Variants in MRPS21 observed in about 807,000 individuals in gnomAD.
The protein encoded by MRPS21 is mitochondrial ribosomal protein S21, also known as small ribosomal subunit protein bS21m.
A neutral mutation model predicts 9.9 loss-of-function variants in MRPS21; 8 were observed. That is an observed-to-expected ratio of 0.81 (90% CI 0.47 to 1.45). The LOEUF (loss-of-function observed/expected upper bound fraction) is 1.45. Among genes scored for constraint, MRPS21 ranks in the 40% most tolerant of loss-of-function variants. The pLI is 0.00. For synonymous variants in MRPS21, 40 were observed against 40.3 expected, an observed-to-expected ratio of 0.99 and a Z score of 0.03; for missense variants, 101 against 118.9, an observed-to-expected ratio of 0.85 and a Z score of 0.70.
chr1:150,300,042 A>T (rs1553857369), intron 2 of MRPS21, among the ~76,000 whole-genome samples: 1 of 152,012 alleles, frequency 6.6e-6, no homozygotes. Flanking sequence ...AAATTATTAT[A>T]ATAGACTTGT....
At chr1:150,297,302 A>AC (rs1560062327) in intron 2 of MRPS21, among the ~76,000 whole-genome samples, 1 of 352 alleles carries the variant, frequency 2.8e-3, no homozygotes, top group Non-Finnish European at 7.8e-3. Context: ...AAAAAAAAAA[A>AC]GAAAAAATGC....
intron 2 of MRPS21, among the ~76,000 whole-genome samples, chr1:150,305,609 T>G (rs1012873001): frequency 6.6e-6 from 1 of 152,074 alleles, no homozygotes; most frequent in African/African-American, 2.4e-5. Flanking sequence ...TTGTTTTTGT[T>G]TTTTGAGATG....
At chr1:150,297,462 A>G (rs1162636773) in intron 2 of MRPS21, among the ~76,000 whole-genome samples, 2 of 152,076 alleles carry the variant, frequency 1.3e-5, no homozygotes, top group Non-Finnish European at 2.9e-5. Flanking sequence ...ACCTGAGGTC[A>G]GGAGTTCAAT....
intron 2 of MRPS21, among the ~76,000 whole-genome samples, chr1:150,296,368 G>A (rs1653916265): frequency 6.6e-6 from 1 of 152,180 alleles, no homozygotes; most frequent in South Asian, 2.1e-4. Flanking sequence ...TTTCCCCAAT[G>A]TGAAGTAACA....
At chr1:150,304,308 CTA>C in intron 2 of MRPS21, 1 of 173,514 alleles carries the variant, frequency 5.8e-6, no homozygotes, top group Non-Finnish European at 1.2e-5. Context: ...GAGGCCCTGC[CTA>C]CAAAAAAAAA....
chr1:150,298,036 C>T (rs1653980835), intron 2 of MRPS21, among the ~76,000 whole-genome samples: 1 of 152,008 alleles, frequency 6.6e-6, no homozygotes, highest in Non-Finnish European at 1.5e-5. Context: ...CATGTTCAAG[C>T]GTTTCTCCTG....
At chr1:150,307,476 G>C (rs587691058) in intron 2 of MRPS21, among the ~76,000 whole-genome samples, 3 of 151,184 alleles carry the variant, frequency 2.0e-5, no homozygotes, top group South Asian at 4.2e-4. Context: ...TCCCACCTCA[G>C]CCTCCTGAGT....
At chr1:150,306,177 T>C (rs1408999262) in intron 2 of MRPS21, among the ~76,000 whole-genome samples, 4 of 152,224 alleles carry the variant, frequency 2.6e-5, no homozygotes, top group Non-Finnish European at 4.4e-5. Context: ...AGAGTGGAAA[T>C]AGGGCAACCT....
chr1:150,307,936 C>T (rs1354066790), intron 2 of MRPS21, 112 bp from the exon 3 acceptor site: 6 of 1,060,370 alleles, frequency 5.7e-6, no homozygotes, highest in Middle Eastern at 2.7e-4. Flanking sequence ...CACCATTTCC[C>T]ACTGTATTTT....
At position 150,297,101 on chromosome 1, in the gene MRPS21, C is replaced by T. The variant is rs757369098; in HGVS notation, c.83+2652C>T. 1.5e-3 allele frequency among the ~76,000 whole-genome samples: 223 copies of T among 150,988 alleles called. 1 individual carries two copies. Among genetic ancestry groups the T allele is most frequent in the Non-Finnish European group, 2.6e-3 (178 of 67,736 alleles). On this transcript the variant is annotated intron_variant, in intron 2 of 2. Transcript: ENST00000614145. Reference sequence around the variant, plus strand: ...GGTCAGGACATCGAGACCATCCTGGCTAACACGGTGAAACCCCGTCTCTAC... The same window carrying T: ...GGTCAGGACATCGAGACCATCCTGGTTAACACGGTGAAACCCCGTCTCTAC...
At chr1:150,301,961 G>A (rs1226916168) in intron 2 of MRPS21, among the ~76,000 whole-genome samples, 1 of 152,178 alleles carries the variant, frequency 6.6e-6, no homozygotes, top group Non-Finnish European at 1.5e-5. Flanking sequence ...TGATTTTGGA[G>A]TGATCCAATC....
rs587622199 is a variant in MRPS21 at position 150,293,890 on chromosome 1, G to C, written c.-41G>C. On this transcript the variant is annotated 5_prime_UTR_variant, in exon 1 of 3. Coordinates refer to ENST00000614145, the MANE Select transcript of MRPS21 (RefSeq NM_031901.6). ...ACCCTTCCGGTGGGCTAGGTACTGAGCGCGCGAGGTGAGGAGTTGTGCAGG... is the reference window on the plus strand; with the variant it reads ...ACCCTTCCGGTGGGCTAGGTACTGACCGCGCGAGGTGAGGAGTTGTGCAGG... 6 of 170,778 alleles carry C rather than the reference G, an allele frequency of 3.5e-5. No homozygotes were observed. The South Asian group carries it at 7.9e-4, about 22-fold the overall frequency. 10.6% of individuals were successfully genotyped at this position (170,778 alleles called of 1,614,324 possible).
chr1:150,294,095 C>T (rs1653823060), intron 1 of MRPS21, 197 bp downstream of exon 1: 1 of 378,558 alleles, frequency 2.6e-6, no homozygotes, highest in African/African-American at 2.1e-5. Context: ...TGCCCGGCGA[C>T]GCGTCTTTGT....
intron 1 of MRPS21, 66 bp from the exon 2 acceptor site, chr1:150,294,269 G>A: frequency 1.8e-6 from 2 of 1,088,534 alleles, no homozygotes; most frequent in Non-Finnish European, 2.8e-6. Context: ...TAAGCCGCGC[G>A]GTGTAGTTTG....
intron 2 of MRPS21, among the ~76,000 whole-genome samples, chr1:150,295,228 T>C (rs1348648388): frequency 6.6e-6 from 1 of 152,054 alleles, no homozygotes; most frequent in African/African-American, 2.4e-5. Flanking sequence ...TCTCCTGACC[T>C]CAAGTGATCT....
intron 1 of MRPS21, 34 bp from the exon 2 acceptor site, chr1:150,294,301 C>A: frequency 1.4e-6 from 2 of 1,439,564 alleles, no homozygotes; most frequent in Non-Finnish European, 2.0e-6. Flanking sequence ...GTTTCTCTTT[C>A]TGCTTTCCTC....
At chr1:150,301,036 A>T (rs1253023256) in intron 2 of MRPS21, among the ~76,000 whole-genome samples, 1 of 150,598 alleles carries the variant, frequency 6.6e-6, no homozygotes, top group African/African-American at 2.4e-5. Context: ...TGTCTCTACT[A>T]AAAAAAATAC....
intron 2 of MRPS21, among the ~76,000 whole-genome samples, chr1:150,305,919 CTG>C (rs1196986068): frequency 1.3e-5 from 2 of 152,172 alleles, no homozygotes; most frequent in Non-Finnish European, 2.9e-5. Context: ...CAAAATCTGT[CTG>C]TACATTGGAA....
At chr1:150,305,206 A>AC in intron 2 of MRPS21, among the ~76,000 whole-genome samples, 1 of 152,030 alleles carries the variant, frequency 6.6e-6, no homozygotes, top group African/African-American at 2.4e-5. Flanking sequence ...TGTCTGGTTA[A>AC]TTTTTATTTT....
Sources: gnomAD v4.1 joint callset for allele counts (sites outside exome capture counted in the v4.1 genomes callset) on GRCh38, gnomAD v4.1.1 for gene constraint, MANE v1.5 for transcripts, NCBI Gene and HGNC (gene_info 2026-07-23, HGNC 2026-07-21) for gene names.